MAPK10: variants seen among roughly 807,000 people sequenced by gnomAD.
MAPK10 encodes mitogen-activated protein kinase 10, also known as JNK3 alpha protein kinase.
Under a neutral mutation model 59.3 loss-of-function variants are expected in MAPK10, and 25 were observed. The ratio of observed to expected loss-of-function variants is 0.42; its 90% confidence interval spans 0.31 to 0.59. MAPK10 has a LOEUF of 0.59. Among genes scored for constraint, MAPK10 ranks in the 20% least tolerant of loss-of-function variants. MAPK10 has a pLI of 0.15. For synonymous variants in MAPK10, 190 were observed against 200.5 expected, an observed-to-expected ratio of 0.95 and a Z score of 0.44; for missense variants, 351 against 568.9, an observed-to-expected ratio of 0.62 and a Z score of 3.90.
chr4:86,372,369 T>C (rs1374111590), intron 1 of MAPK10, among the ~76,000 whole-genome samples: 1 of 151,800 alleles, frequency 6.6e-6, no homozygotes, highest in Non-Finnish European at 1.5e-5. Context: ...TACAAAAAAT[T>C]AGCTGGGCGT....
intron 1 of MAPK10, among the ~76,000 whole-genome samples, chr4:86,368,644 C>T (rs898213558): frequency 1.3e-5 from 2 of 152,118 alleles, no homozygotes; most frequent in African/African-American, 4.8e-5. Flanking sequence ...TTTGCTTTTG[C>T]TTTTGTTTTG....
intron 9 of MAPK10, among the ~76,000 whole-genome samples, chr4:86,071,143 T>C (rs1468854058): frequency 6.6e-6 from 1 of 152,126 alleles, no homozygotes; most frequent in African/African-American, 2.4e-5. Context: ...TGATGGCCAG[T>C]GATGATGAGC....
chr4:86,486,181 C>T (rs553024451), intron 1 of MAPK10, among the ~76,000 whole-genome samples: 2 of 152,018 alleles, frequency 1.3e-5, no homozygotes, highest in Non-Finnish European at 2.9e-5. Context: ...CCCAGCTACT[C>T]GGGAGGCTGA....
intron 4 of MAPK10, among the ~76,000 whole-genome samples, chr4:86,123,277 T>A (rs1352520900): frequency 6.6e-6 from 1 of 152,100 alleles, no homozygotes. Flanking sequence ...ATATGCCATA[T>A]TTTATTTATT....
chr4:86,491,638 C>A (rs992817052), intron 1 of MAPK10, among the ~76,000 whole-genome samples: 3 of 152,170 alleles, frequency 2.0e-5, no homozygotes, highest in African/African-American at 4.8e-5. Context: ...GACTCTAAAT[C>A]GAAGCATATA....
chr4:86,214,295 G>C (rs1292172436), intron 2 of MAPK10, among the ~76,000 whole-genome samples: 1 of 151,850 alleles, frequency 6.6e-6, no homozygotes, highest in Admixed American at 6.6e-5. Flanking sequence ...TTGTGAAAGA[G>C]CAAAAGATAT....
chr4:86,462,123 A>G (rs7675845), intron 1 of MAPK10, among the ~76,000 whole-genome samples: 57,231 of 152,054 alleles, frequency 0.38, 10,989 homozygotes, highest in Admixed American at 0.4. Context: ...GTAGATTGAT[A>G]CTGCACAAAA....
At chr4:86,200,854 G>T (rs2149330554) in intron 2 of MAPK10, among the ~76,000 whole-genome samples, 1 of 151,744 alleles carries the variant, frequency 6.6e-6, no homozygotes, top group East Asian at 1.9e-4. Flanking sequence ...CTTTGTGTTA[G>T]GAACATTCTA....
intron 2 of MAPK10, among the ~76,000 whole-genome samples, chr4:86,318,958 T>A (rs1364911948): frequency 1.3e-5 from 2 of 152,158 alleles, no homozygotes; most frequent in East Asian, 1.9e-4. Context: ...CAACTCTAAG[T>A]AGAAAGGCGG....
At chr4:86,445,141 T>G (rs1322769328) in intron 1 of MAPK10, among the ~76,000 whole-genome samples, 2 of 152,166 alleles carry the variant, frequency 1.3e-5, no homozygotes, top group Non-Finnish European at 2.9e-5. Context: ...GCAGCATTAT[T>G]CACAATAGCA....
intron 2 of MAPK10, among the ~76,000 whole-genome samples, chr4:86,322,584 T>C (rs1384889602): frequency 6.6e-6 from 1 of 152,212 alleles, no homozygotes; most frequent in African/African-American, 2.4e-5. Flanking sequence ...CCAAATTCAA[T>C]TTCAATTCCA....
chr4:86,267,819 T>G (rs2094305930), intron 2 of MAPK10, among the ~76,000 whole-genome samples: 1 of 152,118 alleles, frequency 6.6e-6, no homozygotes. Context: ...TAGCAAAACC[T>G]ATCTCTACCT....
chr4:86,473,990 A>G (rs1752870718), intron 1 of MAPK10, among the ~76,000 whole-genome samples: 1 of 152,226 alleles, frequency 6.6e-6, no homozygotes, highest in Non-Finnish European at 1.5e-5. Context: ...TCTCTACCAA[A>G]AAAAAAAGAA....
At chr4:86,274,665 G>A (rs569400590) in intron 2 of MAPK10, among the ~76,000 whole-genome samples, 4 of 151,814 alleles carry the variant, frequency 2.6e-5, no homozygotes, top group Non-Finnish European at 4.4e-5. Flanking sequence ...CTATTGTTCA[G>A]CCTCTAAAGA....
intron 2 of MAPK10, among the ~76,000 whole-genome samples, chr4:86,288,939 A>G (rs2148816967): frequency 6.6e-6 from 1 of 152,188 alleles, no homozygotes; most frequent in East Asian, 1.9e-4. Context: ...AAAAAAAAAA[A>G]AAAGACCTTG....
chr4:86,016,083 T>C lies in MAPK10; in HGVS notation c.*1145A>G, dbSNP rs1743197350. Reference sequence around the variant, plus strand: ...TGAAAGTAGTCTAGGCAGGCTCATTTTTTTGTTGAAGGAATTCACATGGAG... The same window carrying C: ...TGAAAGTAGTCTAGGCAGGCTCATTCTTTTGTTGAAGGAATTCACATGGAG... On this transcript the variant is annotated 3_prime_UTR_variant, in exon 14 of 14. Transcript: ENST00000641462. 1 of 151,890 alleles carries C rather than the reference T, an allele frequency of 6.6e-6. No individual in the cohort carries two copies. The highest frequency in any genetic ancestry group is 1.5e-5 in the Non-Finnish European group (1 of 67,736). The allele number at this position is 151,890 out of a possible 1,614,324, so 9.4% of individuals were successfully genotyped here. A position where few individuals can be genotyped will look rare whatever the true frequency, so the allele number is the denominator to read the frequency against.
intron 1 of MAPK10, among the ~76,000 whole-genome samples, chr4:86,404,337 T>G (rs1186267211): frequency 6.6e-6 from 1 of 152,182 alleles, no homozygotes; most frequent in Non-Finnish European, 1.5e-5. Flanking sequence ...TCAAATCTCC[T>G]CTTACAATTA....
chr4:86,092,783 G>A (rs1478959027), intron 9 of MAPK10, among the ~76,000 whole-genome samples: 1 of 152,060 alleles, frequency 6.6e-6, no homozygotes, highest in African/African-American at 2.4e-5. Context: ...ATCTGATACA[G>A]CATCTGGGTC....
At chr4:86,456,065 C>T (rs1176685572), upstream of MAPK10, among the ~76,000 whole-genome samples, 1 of 151,996 alleles carries the variant, frequency 6.6e-6, no homozygotes, top group Non-Finnish European at 1.5e-5. Flanking sequence ...ATCATTGGGT[C>T]AAAACTGAAA....
Sources: gnomAD v4.1 joint callset for allele counts (sites outside exome capture counted in the v4.1 genomes callset) on GRCh38, gnomAD v4.1.1 for gene constraint, MANE v1.5 for transcripts, NCBI Gene and HGNC (gene_info 2026-07-23, HGNC 2026-07-21) for gene names.